The following DIAPH3 variants were observed in gnomAD, a reference collection of about 807,000 sequenced individuals.
DIAPH3 encodes protein diaphanous homolog 3.
In DIAPH3, 117 loss-of-function variants were observed where a neutral mutation model predicts 144.3. That is an observed-to-expected ratio of 0.81 (90% CI 0.70 to 0.95). DIAPH3 has a LOEUF of 0.95. Among genes scored for constraint, DIAPH3 ranks in the 40% least tolerant of loss-of-function variants. The pLI is 0.00. For missense variants in DIAPH3, 1,421 were observed against 1,412.7 expected (o/e 1.01, Z -0.09); for synonymous variants, 519 against 488.9 (o/e 1.06, Z -0.81).
At chr13:59,671,985 T>A (rs937920811) in intron 27 of DIAPH3, among the ~76,000 whole-genome samples, 4 of 152,246 alleles carry the variant, frequency 2.6e-5, no homozygotes, top group Non-Finnish European at 4.4e-5. Context: ...CATCCTGTGC[T>A]AATATTTCCA....
intron 27 of DIAPH3, among the ~76,000 whole-genome samples, chr13:59,708,803 G>A (rs1434838787): frequency 1.3e-5 from 2 of 152,148 alleles, no homozygotes; most frequent in Non-Finnish European, 2.9e-5. Context: ...TTTTCTGAAT[G>A]CTTTAAATAA....
intron 1 of DIAPH3, among the ~76,000 whole-genome samples, chr13:60,156,692 C>T (rs1220270505): frequency 1.3e-5 from 2 of 151,736 alleles, no homozygotes; most frequent in Non-Finnish European, 2.9e-5. Flanking sequence ...CCCTTTCTTG[C>T]ATTTCTGGCT....
chr13:59,704,499 A>C (rs2034304689), intron 27 of DIAPH3, among the ~76,000 whole-genome samples: 1 of 152,130 alleles, frequency 6.6e-6, no homozygotes, highest in African/African-American at 2.4e-5. Context: ...TTTTTTTCTT[A>C]GCACTCTTTA....
At chr13:60,041,098 G>C (rs2141184245) in intron 5 of DIAPH3, among the ~76,000 whole-genome samples, 1 of 150,020 alleles carries the variant, frequency 6.7e-6, no homozygotes, top group East Asian at 1.9e-4. Flanking sequence ...ACAGGCTTGA[G>C]CCTGTAATAT....
chr13:59,846,969 C>T (rs1022360059), intron 22 of DIAPH3, among the ~76,000 whole-genome samples: 6 of 152,040 alleles, frequency 3.9e-5, no homozygotes, highest in African/African-American at 1.2e-4. Context: ...CTCCTAGTTA[C>T]CCAGGAGGCT....
chr13:59,890,021 G>A (rs1044162157), intron 20 of DIAPH3, among the ~76,000 whole-genome samples: 3 of 152,120 alleles, frequency 2.0e-5, no homozygotes, highest in Non-Finnish European at 2.9e-5. Context: ...CTAATGAAGT[G>A]TTAAGATGAT....
intron 4 of DIAPH3, among the ~76,000 whole-genome samples, chr13:60,049,120 AAGGAATCAAAAAATTATGCT>A (rs2056219136): frequency 6.6e-6 from 1 of 152,220 alleles, no homozygotes; most frequent in Admixed American, 6.5e-5. Flanking sequence ...CAACAAGACA[AAGGAATCAAAAAATTATGCT>A]AGGTTGAAGT....
At chr13:59,899,204 T>C (rs544050604) in intron 20 of DIAPH3, among the ~76,000 whole-genome samples, 1 of 152,280 alleles carries the variant, frequency 6.6e-6, no homozygotes, top group Non-Finnish European at 1.5e-5. Context: ...GCTCTTCAGC[T>C]TGCAGATAGC....
intron 18 of DIAPH3, 99 bp downstream of exon 18, chr13:59,924,676 T>A: frequency 1.3e-6 from 2 of 1,486,156 alleles, no homozygotes; most frequent in Non-Finnish European, 1.8e-6. Flanking sequence ...AATAACAAAA[T>A]GAAAATAGCA....
intron 21 of DIAPH3, among the ~76,000 whole-genome samples, chr13:59,861,758 G>A (rs2043607384): frequency 6.6e-6 from 1 of 152,090 alleles, no homozygotes; most frequent in Non-Finnish European, 1.5e-5. Context: ...AAGTTTAATC[G>A]AGCATGCAAT....
At chr13:59,728,143 T>G (rs1314309696) in intron 27 of DIAPH3, among the ~76,000 whole-genome samples, 1 of 152,046 alleles carries the variant, frequency 6.6e-6, no homozygotes, top group Admixed American at 6.6e-5. Flanking sequence ...TGAAATATAT[T>G]CTCCTAGTTT....
intron 4 of DIAPH3, among the ~76,000 whole-genome samples, chr13:60,084,908 A>G (rs1236121735): frequency 6.6e-6 from 1 of 152,142 alleles, no homozygotes; most frequent in East Asian, 1.9e-4. Flanking sequence ...TAAATTGGGA[A>G]CAAATGCCTT....
At chr13:60,130,039 G>A (rs573431037) in intron 2 of DIAPH3, among the ~76,000 whole-genome samples, 2 of 152,190 alleles carry the variant, frequency 1.3e-5, no homozygotes, top group Admixed American at 1.3e-4. Flanking sequence ...GAGAAAGGAA[G>A]AAACTGTATA....
At chr13:59,878,044 T>C (rs1418568636) in intron 21 of DIAPH3, among the ~76,000 whole-genome samples, 1 of 152,158 alleles carries the variant, frequency 6.6e-6, no homozygotes, top group Non-Finnish European at 1.5e-5. Flanking sequence ...TCATAATTAA[T>C]GGTTTACATG....
At chr13:59,951,433 T>C (rs936111990) in intron 17 of DIAPH3, among the ~76,000 whole-genome samples, 3 of 152,136 alleles carry the variant, frequency 2.0e-5, no homozygotes, top group Non-Finnish European at 4.4e-5. Flanking sequence ...CTCAGGTATG[T>C]CTTTATTAGC....
intron 27 of DIAPH3, among the ~76,000 whole-genome samples, chr13:59,690,307 A>G (rs896554674): frequency 6.6e-6 from 1 of 152,130 alleles, no homozygotes; most frequent in Non-Finnish European, 1.5e-5. Flanking sequence ...AGAATTACCA[A>G]GTTGGCTGGA....
At chr13:59,671,012 C>T (rs987341628) in intron 27 of DIAPH3, among the ~76,000 whole-genome samples, 4 of 152,168 alleles carry the variant, frequency 2.6e-5, no homozygotes, top group Non-Finnish European at 4.4e-5. Flanking sequence ...GAAGTTCACT[C>T]TTATATAGAA....
chr13:59,824,550 T>C (rs868182957), intron 24 of DIAPH3, among the ~76,000 whole-genome samples: 1 of 152,112 alleles, frequency 6.6e-6, no homozygotes, highest in Non-Finnish European at 1.5e-5. Context: ...CACTTAAGAT[T>C]TGAAGAAATC....
intron 27 of DIAPH3, among the ~76,000 whole-genome samples, chr13:59,762,781 A>T (rs1177864869): frequency 6.6e-6 from 1 of 152,134 alleles, no homozygotes; most frequent in African/African-American, 2.4e-5. Flanking sequence ...CTCATGTGGA[A>T]ATTTAATTGC....
Sources: allele counts gnomAD v4.1 joint callset (sites outside exome capture counted in the v4.1 genomes callset), GRCh38; gene constraint gnomAD v4.1.1; transcripts MANE v1.5; gene names NCBI Gene and HGNC (gene_info 2026-07-23, HGNC 2026-07-21).